C14orf39: variants seen among roughly 807,000 people sequenced by gnomAD.
The protein encoded by C14orf39 is protein SIX6OS1.
In C14orf39, 66 loss-of-function variants were observed where a neutral mutation model predicts 85.6. That is an observed-to-expected ratio of 0.77 (90% confidence interval 0.63 to 0.95). The LOEUF (loss-of-function observed/expected upper bound fraction) is 0.95. Among genes scored for constraint, C14orf39 ranks in the 40% least tolerant of loss-of-function variants. C14orf39 has a pLI of 0.00. For synonymous variants in C14orf39, 242 were observed against 214.0 expected (o/e 1.13, Z -1.14); for missense variants, 735 against 663.9 (o/e 1.11, Z -1.18).
Position 60,458,757 on chromosome 14 carries a change from C to A in C14orf39, c.1118-18G>T. On this transcript the variant is annotated intron_variant, in intron 13 of 17. Coordinates refer to ENST00000321731, the MANE Select transcript of C14orf39 (RefSeq NM_174978.3). ...CTCAGCATCTGTTGTCATATGAGAA[C>A]AAACTATTTTTCTTTTTGTAATTTT... The A allele has an allele frequency of 6.4e-7, 1 of 1,561,502 alleles. No individual in the cohort carries two copies. Among genetic ancestry groups the A allele is most frequent in the East Asian group, 2.3e-5 (1 of 43,904 alleles).
upstream of C14orf39, among the ~76,000 whole-genome samples, chr14:60,489,636 G>C (rs993121610): frequency 1.3e-5 from 2 of 152,084 alleles, no homozygotes; most frequent in Non-Finnish European, 2.9e-5. Flanking sequence ...ACCTGTATTT[G>C]AGTACCATCT....
chr14:60,466,829 C>T, intron 10 of C14orf39, 88 bp downstream of exon 10: 1 of 1,075,118 alleles, frequency 9.3e-7, no homozygotes. Context: ...TTTACTTACA[C>T]CAAATGATAA....
intron 16 of C14orf39, among the ~76,000 whole-genome samples, chr14:60,447,832 G>C (rs1383871818): frequency 3.3e-5 from 5 of 152,096 alleles, no homozygotes; most frequent in Non-Finnish European, 7.4e-5. Flanking sequence ...CTTGGTACTG[G>C]TACCAAAACA....
intron 1 of C14orf39, among the ~76,000 whole-genome samples, chr14:60,502,542 A>G (rs1196464115): frequency 5.9e-5 from 9 of 152,246 alleles, no homozygotes; most frequent in Non-Finnish European, 1.3e-4. Context: ...TAATTTCACC[A>G]AAACCAAGGC....
intron 16 of C14orf39, among the ~76,000 whole-genome samples, chr14:60,449,980 T>A (rs986936911): frequency 2.0e-5 from 3 of 152,182 alleles, no homozygotes; most frequent in African/African-American, 7.2e-5. Context: ...GCAGAATTAA[T>A]CACCCACTGA....
chr14:60,474,862 C>G (rs185331691), intron 5 of C14orf39, among the ~76,000 whole-genome samples: 285 of 152,148 alleles, frequency 1.9e-3, no homozygotes, highest in African/African-American at 6.3e-3. Context: ...CTAAAATTCT[C>G]TTTTTTTGTT....
chr14:60,469,724 GATTA>G, intron 7 of C14orf39, 71 bp from the exon 8 acceptor site: 1 of 681,534 alleles, frequency 1.5e-6, no homozygotes. Flanking sequence ...TATCAGAAAT[GATTA>G]ATATTATGTG....
At chr14:60,465,370 G>A (rs1891733915) in intron 11 of C14orf39, among the ~76,000 whole-genome samples, 1 of 152,030 alleles carries the variant, frequency 6.6e-6, no homozygotes, top group Non-Finnish European at 1.5e-5. Context: ...TAGCTCTCTG[G>A]GTGGTATGCT....
chr14:60,465,917 T>C, intron 11 of C14orf39, 62 bp downstream of exon 11: 1 of 822,446 alleles, frequency 1.2e-6, no homozygotes, highest in South Asian at 2.0e-5. Context: ...GGGCAGTACA[T>C]TCATTATTAC....
At chr14:60,465,768 T>G (rs1476459587) in intron 11 of C14orf39, among the ~76,000 whole-genome samples, 3 of 149,564 alleles carry the variant, frequency 2.0e-5, no homozygotes, top group African/African-American at 7.3e-5. Flanking sequence ...CAGGTTACAG[T>G]ATATAATCAG....
upstream of C14orf39, among the ~76,000 whole-genome samples, chr14:60,487,037 T>C (rs1470507752): frequency 2.6e-5 from 4 of 152,218 alleles, no homozygotes; most frequent in South Asian, 8.3e-4. Context: ...TTTGGACGTA[T>C]ACATACATTG....
At chr14:60,444,256 T>G (rs1890658277) in intron 16 of C14orf39, among the ~76,000 whole-genome samples, 1 of 152,110 alleles carries the variant, frequency 6.6e-6, no homozygotes, top group African/African-American at 2.4e-5. Context: ...TTCTACGAGC[T>G]AAAGGAGCAT....
rs750699749 is a variant in C14orf39, at chr14:60,457,090, T to C, written c.1185A>G (p.Ile395Met). The C allele has an allele frequency of 6.5e-6, 10 of 1,549,316 alleles. No individual in the cohort carries two copies. In the Admixed American group the frequency reaches 2.0e-4, roughly 30 times the overall value. ...VRESKCTSQAIYTEHFGKSVE... is the reference protein window; with the variant it reads ...VRESKCTSQAMYTEHFGKSVE... ...CTGACTTCCCAAAATGTTCAGTATA[T>C]ATAGCCTGCAAATTCAAAGTAACAG... is the stretch of plus-strand genomic sequence containing the variant. Residue 395 changes from isoleucine (I) to methionine (M), a missense_variant, in exon 15 of 18, where the codon ATA becomes ATG. Physicochemically the swap from Ile to Met is conservative, Grantham distance 10. Coordinates refer to ENST00000321731, the MANE Select transcript of C14orf39 (RefSeq NM_174978.3).
intron 9 of C14orf39, among the ~76,000 whole-genome samples, chr14:60,467,927 CA>C (rs1450006234): frequency 6.6e-6 from 1 of 150,860 alleles, no homozygotes; most frequent in Non-Finnish European, 1.5e-5. Flanking sequence ...TGATAACAGG[CA>C]AAGTCCATCT....
At chr14:60,451,158 A>T (rs887195997) in intron 16 of C14orf39, among the ~76,000 whole-genome samples, 2 of 152,208 alleles carry the variant, frequency 1.3e-5, no homozygotes, top group Admixed American at 1.3e-4. Flanking sequence ...AACACCAGTC[A>T]GAAAGGCAAT....
At chr14:60,494,089 G>T in intron 2 of C14orf39, 1 of 299,904 alleles carries the variant, frequency 3.3e-6, no homozygotes, top group Non-Finnish European at 6.8e-6. Context: ...CCACCATTGA[G>T]CATGCTGATG....
Position 60,491,454 on chromosome 14 carries a change from A to C in C14orf39, c.-8-6368T>G, listed in dbSNP as rs1892987146. 6.6e-6 allele frequency among the ~76,000 whole-genome samples: 1 copy of C among 152,184 alleles called. No individual in the cohort carries two copies. Among genetic ancestry groups the C allele is most frequent in the Non-Finnish European group, 1.5e-5 (1 of 68,036 alleles). On this transcript the variant is annotated intron_variant, in intron 2 of 5. Coordinates refer to the C14orf39 transcript ENST00000556799. The surrounding 1 kb of genome is among the most constrained non-coding windows in gnomAD (Gnocchi z 4.5). ...AATTGTGGAGGGACACAAACATTCA[A>C]ACCACAGCACAAGCTCAAACACAGC...
intron 2 of C14orf39, among the ~76,000 whole-genome samples, chr14:60,492,675 C>T (rs966611413): frequency 1.3e-5 from 2 of 151,848 alleles, no homozygotes; most frequent in Non-Finnish European, 2.9e-5. Context: ...CCCAGCTACT[C>T]AAGAGGCTGA....
chr14:60,452,677 A>C (rs1315033216), intron 16 of C14orf39, among the ~76,000 whole-genome samples: 1 of 152,180 alleles, frequency 6.6e-6, no homozygotes, highest in Non-Finnish European at 1.5e-5. Context: ...ACAAAGAATA[A>C]ATGTTTGAGG....
Sources: gnomAD v4.1 joint callset for allele counts (sites outside exome capture counted in the v4.1 genomes callset) on GRCh38, gnomAD v4.1.1 for gene constraint, Gnocchi (gnomAD v3.1) non-coding constraint, MANE v1.5 for transcripts, NCBI Gene and HGNC (gene_info 2026-07-23, HGNC 2026-07-21) for gene names.